DAW1: variants seen among roughly 807,000 people sequenced by gnomAD.
The protein encoded by DAW1 is dynein assembly factor with WD repeat domains 1.
In DAW1, 47 loss-of-function variants were observed where a neutral mutation model predicts 56.5. The observed-to-expected ratio is 0.83, with a 90% CI of 0.66 to 1.06. The LOEUF is 1.06. Ranked by LOEUF, DAW1 falls within the 50% of genes least tolerant of loss-of-function variation. DAW1 has a pLI of 0.00. For missense variants in DAW1, 505 were observed against 499.3 expected, an observed-to-expected ratio of 1.01 and a Z score of -0.11; for synonymous variants, 190 against 179.0, an observed-to-expected ratio of 1.06 and a Z score of -0.49.
chr2:227,918,191 C>CCATCCAT (rs1553604217), intron 10 of DAW1, among the ~76,000 whole-genome samples: 6 of 146,280 alleles, frequency 4.1e-5, no homozygotes, highest in East Asian at 2.0e-4. Context: ...ATCCATCCAT[C>CCATCCAT]CATCCATCCA....
intron 1 of DAW1, chr2:227,872,043 G>T: frequency 2.6e-6 from 1 of 383,218 alleles, no homozygotes; most frequent in Non-Finnish European, 4.7e-6. Flanking sequence ...AGTTCATAGT[G>T]CTTGATTTCA....
At chr2:227,901,019 A>G (rs1691530196) in intron 6 of DAW1, among the ~76,000 whole-genome samples, 1 of 152,180 alleles carries the variant, frequency 6.6e-6, no homozygotes, top group African/African-American at 2.4e-5. Context: ...CTTTTTGACT[A>G]GGAGATGGTA....
intron 10 of DAW1, among the ~76,000 whole-genome samples, chr2:227,914,182 A>C (rs1310255982): frequency 1.3e-5 from 2 of 152,084 alleles, no homozygotes; most frequent in African/African-American, 2.4e-5. Context: ...CTTGATAAAC[A>C]AATATGGTGC....
intron 6 of DAW1, among the ~76,000 whole-genome samples, chr2:227,901,382 T>A (rs1444739830): frequency 6.6e-6 from 1 of 152,132 alleles, no homozygotes; most frequent in Non-Finnish European, 1.5e-5. Context: ...AACAGAGGCA[T>A]CCATTTAACA....
At chr2:227,901,484 A>G (rs942061824) in intron 6 of DAW1, among the ~76,000 whole-genome samples, 1 of 152,188 alleles carries the variant, frequency 6.6e-6, no homozygotes, top group Admixed American at 6.5e-5. Context: ...GTAGAAACCA[A>G]TGAGCAATTG....
intron 4 of DAW1, 144 bp downstream of exon 4, chr2:227,891,457 C>T (rs1195368401): frequency 1.2e-5 from 8 of 673,516 alleles, no homozygotes; most frequent in Admixed American, 3.0e-5. Context: ...AAATATAAAC[C>T]CTTTCTCCCA....
At chr2:227,901,519 G>C (rs951015686) in intron 6 of DAW1, among the ~76,000 whole-genome samples, 15 of 152,132 alleles carry the variant, frequency 9.9e-5, no homozygotes, top group African/African-American at 3.6e-4. Context: ...AAAATATAGA[G>C]TATGGAGAGG....
chr2:227,898,502 A>G (rs1319725291), intron 6 of DAW1, among the ~76,000 whole-genome samples: 1 of 151,822 alleles, frequency 6.6e-6, no homozygotes, highest in African/African-American at 2.4e-5. Context: ...TTGTATTTTT[A>G]GTAGAGATGG....
rs1245088999 is a variant in DAW1 at position 227,885,433 on chromosome 2, C to T, written c.113+10C>T. On this transcript the variant is annotated intron_variant, in intron 2 of 12. Coordinates refer to ENST00000309931, the MANE Select transcript of DAW1 (RefSeq NM_178821.3). ...TTGATCTTGGTCCCAGGTAAGTAAGCTGTAGGATTCAACAAATAAATGTTC... is the reference window on the plus strand; with the variant it reads ...TTGATCTTGGTCCCAGGTAAGTAAGTTGTAGGATTCAACAAATAAATGTTC... 5 of 1,589,312 alleles carry T rather than the reference C, an allele frequency of 3.1e-6. No individual in the cohort carries two copies. The highest frequency in any genetic ancestry group is 3.4e-6 in the Non-Finnish European group (4 of 1,169,848).
At chr2:227,878,551 G>C (rs1333629366) in intron 1 of DAW1, among the ~76,000 whole-genome samples, 7 of 152,102 alleles carry the variant, frequency 4.6e-5, no homozygotes, top group Non-Finnish European at 7.4e-5. Flanking sequence ...GTGAAATCTT[G>C]TTTCTACAAA....
intron 11 of DAW1, among the ~76,000 whole-genome samples, chr2:227,920,976 G>C (rs1274601608): frequency 6.6e-6 from 1 of 152,100 alleles, no homozygotes; most frequent in East Asian, 1.9e-4. Context: ...ACCGCCCCTG[G>C]CCCGGATCTG....
At chr2:227,879,099 T>C (rs1023274103) in intron 1 of DAW1, among the ~76,000 whole-genome samples, 2 of 152,188 alleles carry the variant, frequency 1.3e-5, no homozygotes, top group African/African-American at 4.8e-5. Context: ...CTTACTTTTA[T>C]AAAATATTTA....
At chr2:227,915,395 A>G (rs1037937712) in intron 10 of DAW1, among the ~76,000 whole-genome samples, 1 of 151,864 alleles carries the variant, frequency 6.6e-6, no homozygotes, top group Non-Finnish European at 1.5e-5. Flanking sequence ...GCTATTCTAT[A>G]TTTGCCTCTT....
At chr2:227,886,793 A>C (rs1215226515) in intron 2 of DAW1, among the ~76,000 whole-genome samples, 1 of 99,618 alleles carries the variant, frequency 1.0e-5, no homozygotes, top group Non-Finnish European at 2.4e-5. Context: ...CTTTGTAAAC[A>C]AACAAACAAA....
At chr2:227,884,038 G>T (rs1343750913) in intron 1 of DAW1, among the ~76,000 whole-genome samples, 1 of 152,108 alleles carries the variant, frequency 6.6e-6, no homozygotes, top group Admixed American at 6.5e-5. Context: ...TGGTTAGGAG[G>T]CTCTGTCCAG....
intron 5 of DAW1, among the ~76,000 whole-genome samples, chr2:227,894,560 G>A (rs999708131): frequency 6.6e-6 from 1 of 152,152 alleles, no homozygotes; most frequent in Non-Finnish European, 1.5e-5. Flanking sequence ...TCACAGCTCT[G>A]GGCTGGTGCC....
intron 1 of DAW1, chr2:227,876,469 G>A (rs745947191): frequency 1.5e-6 from 2 of 1,302,724 alleles, no homozygotes; most frequent in Admixed American, 2.3e-5. Flanking sequence ...TCATATGCAA[G>A]TTTCCAAGAT....
In DAW1 at chr2:227,922,146, C is replaced by T. The variant is rs112540502; in HGVS notation, c.1213+585C>T. Among the ~76,000 whole-genome samples the T allele has an allele frequency of 5.9e-3, 904 of 152,282 alleles. 11 individuals carry two copies. Among genetic ancestry groups the T allele is most frequent in the African/African-American group, 0.021 (858 of 41,554 alleles). On this transcript the variant is annotated intron_variant, in intron 12 of 12. Transcript: ENST00000309931. ...CCAGTCTGGGTGACAGAGTAAGACC[C>T]TGTCTCAAGAAAAAAGTTGAGTTTA... is the stretch of plus-strand genomic sequence containing the variant.
At chr2:227,903,644 CTT>C in intron 7 of DAW1, among the ~76,000 whole-genome samples, 1 of 96,316 alleles carries the variant, frequency 1.0e-5, no homozygotes, top group Non-Finnish European at 2.4e-5. Flanking sequence ...TCACTCTCCC[CTT>C]CCTCCCACCC....
Sources: allele counts gnomAD v4.1 joint callset (sites outside exome capture counted in the v4.1 genomes callset), GRCh38; gene constraint gnomAD v4.1.1; transcripts MANE v1.5; gene names NCBI Gene and HGNC (gene_info 2026-07-23, HGNC 2026-07-21).